Variants in SART3 observed in about 807,000 individuals in gnomAD.
The protein encoded by SART3 is spliceosome associated factor 3, U4/U6 recycling protein.
SART3 carries 44 observed loss-of-function variants against 122.3 expected under a neutral mutation model. The observed-to-expected ratio is 0.36, with a 90% CI of 0.28 to 0.46. SART3 has a LOEUF of 0.46. Ranked by LOEUF, SART3 falls within the 20% of genes least tolerant of loss-of-function variation. SART3 has a pLI of 1.00. For missense variants in SART3, 1,101 were observed against 1,229.0 expected, an observed-to-expected ratio of 0.90 and a Z score of 1.56; for synonymous variants, 442 against 454.0, an observed-to-expected ratio of 0.97 and a Z score of 0.34.
rs1184611789 is a variant in SART3 at position 108,530,248 on chromosome 12, T to C, written c.1809A>G (p.Arg603=). ...TTAACGCTTTCTTCTCAGCCCGAGCTCTTTTCCGTTGTTCAGCCTTTTCTT... is the reference window on the plus strand; with the variant it reads ...TTAACGCTTTCTTCTCAGCCCGAGCCCTTTTCCGTTGTTCAGCCTTTTCTT... ...QEEEKAEQRK[R]ARAEKKALKK... The change falls in exon 15 of 19, where the codon AGA becomes AGG. Residue 603 remains arginine (R), a synonymous_variant. Transcript: ENST00000546815. The C allele has an allele frequency of 6.2e-7, 1 of 1,614,084 alleles. No homozygotes were observed. Among genetic ancestry groups the C allele is most frequent in the Admixed American group, 1.7e-5 (1 of 60,002 alleles).
chr12:108,544,665 A>C (rs924609832), intron 4 of SART3, 187 bp from the exon 5 acceptor site: 1 of 763,946 alleles, frequency 1.3e-6, no homozygotes, highest in Non-Finnish European at 2.3e-6. Flanking sequence ...CTCCAGGCTC[A>C]TGCAATCCTC....
chr12:108,530,783 G>A (rs559580153), intron 14 of SART3, among the ~76,000 whole-genome samples: 48 of 152,076 alleles, frequency 3.2e-4, no homozygotes, highest in South Asian at 1.2e-3. Flanking sequence ...GCGTGAACCC[G>A]GGAGGCAGAG....
At chr12:108,524,246 T>TC (rs1196309866) in intron 18 of SART3, 70 bp downstream of exon 18, 19 of 1,276,326 alleles carry the variant, frequency 1.5e-5, no homozygotes, top group African/African-American at 1.3e-4. Context: ...CCCGGGTTAA[T>TC]CCCCCCGTGA....
chr12:108,525,364 A>G, intron 17 of SART3, 93 bp downstream of exon 17: 1 of 1,345,346 alleles, frequency 7.4e-7, no homozygotes, highest in Non-Finnish European at 1.1e-6. Context: ...CAAACTAGGA[A>G]CCCATTCTAG....
At chr12:108,538,261 C>T in intron 7 of SART3, 58 bp from the exon 8 acceptor site, 1 of 1,591,372 alleles carries the variant, frequency 6.3e-7, no homozygotes, top group South Asian at 1.1e-5. Flanking sequence ...TCACCATCAA[C>T]AAGACATTGC....
At chr12:108,528,267 G>C (rs1352087142) in intron 15 of SART3, among the ~76,000 whole-genome samples, 1 of 152,098 alleles carries the variant, frequency 6.6e-6, no homozygotes, top group African/African-American at 2.4e-5. Context: ...AGGATCACTT[G>C]AGGTCAGGAG....
intron 12 of SART3, among the ~76,000 whole-genome samples, chr12:108,534,578 G>T (rs541009654): frequency 2.0e-5 from 3 of 152,002 alleles, no homozygotes; most frequent in Admixed American, 6.6e-5. Context: ...TACTCAAGAG[G>T]CTGAGGCAGA....
At chr12:108,532,910 C>T (rs1281544927) in intron 12 of SART3, among the ~76,000 whole-genome samples, 1 of 152,156 alleles carries the variant, frequency 6.6e-6, no homozygotes, top group Non-Finnish European at 1.5e-5. Context: ...CCCACCACTA[C>T]ACCCAGCTAA....
At chr12:108,524,764 G>A (rs370749320) in intron 17 of SART3, 8 of 557,406 alleles carry the variant, frequency 1.4e-5, no homozygotes, top group African/African-American at 9.4e-5. Context: ...TGTACGTGCT[G>A]CAGAAGTAGA....
chr12:108,552,304 G>C (rs2030039223), intron 1 of SART3, among the ~76,000 whole-genome samples: 4 of 151,926 alleles, frequency 2.6e-5, no homozygotes, highest in African/African-American at 9.7e-5. Context: ...CTAAAATCAA[G>C]AACAAGGCAA....
At position 108,525,445 on chromosome 12, in the gene SART3, T is replaced by C; in HGVS notation, c.2523+12A>G. 1.2e-6 allele frequency: 2 copies of C among 1,614,064 alleles called. No homozygotes were observed. The highest frequency in any genetic ancestry group is 1.7e-6 in the Non-Finnish European group (2 of 1,179,988). ...GCCTTGAAGACAAGGCACAATCTGC[T>C]CTGACTCTGACCTTTGGTTTGCCAG... On this transcript the variant is annotated intron_variant, in intron 17 of 18. Transcript: ENST00000546815.
At chr12:108,523,875 C>A in intron 18 of SART3, 1 of 602,004 alleles carries the variant, frequency 1.7e-6, no homozygotes. Flanking sequence ...CAGAGGGGAT[C>A]AGTGTGACTA....
chr12:108,542,731 C>T, intron 6 of SART3: 1 of 451,634 alleles, frequency 2.2e-6, no homozygotes, highest in South Asian at 1.8e-5. Flanking sequence ...TAAAGAAAAG[C>T]AAGGGAATTA....
At chr12:108,544,395 G>A in intron 5 of SART3, 32 bp downstream of exon 5, 3 of 1,579,516 alleles carry the variant, frequency 1.9e-6, no homozygotes, top group Non-Finnish European at 2.6e-6. Context: ...AAACCATAGA[G>A]GGCTGGCTGT....
At chr12:108,549,330 A>G in intron 1 of SART3, 116 bp from the exon 2 acceptor site, 1 of 1,164,574 alleles carries the variant, frequency 8.6e-7, no homozygotes, top group Non-Finnish European at 1.3e-6. Flanking sequence ...GTGCTATCTG[A>G]GAAAACCACT....
chr12:108,526,697 C>T (rs1272725515), intron 15 of SART3, 144 bp from the exon 16 acceptor site: 6 of 883,440 alleles, frequency 6.8e-6, no homozygotes, highest in Admixed American at 2.0e-5. Flanking sequence ...AGCACCACCC[C>T]GAGAAGTCTT....
intron 5 of SART3, among the ~76,000 whole-genome samples, chr12:108,544,090 A>G (rs769562467): frequency 7.9e-5 from 12 of 152,216 alleles, no homozygotes; most frequent in African/African-American, 2.7e-4. Flanking sequence ...CTCTTGTTCA[A>G]TGAAGTTTCC....
chr12:108,559,537 G>A (rs945244365), intron 1 of SART3, among the ~76,000 whole-genome samples: 9 of 151,798 alleles, frequency 5.9e-5, no homozygotes, highest in Non-Finnish European at 7.4e-5. Context: ...GCAATGGTGC[G>A]TGCCTGGATC....
intron 1 of SART3, among the ~76,000 whole-genome samples, chr12:108,550,379 G>T (rs1592773415): frequency 6.6e-6 from 1 of 152,260 alleles, no homozygotes; most frequent in East Asian, 1.9e-4. Flanking sequence ...AACAAACATT[G>T]TAAGAACTTC....
Sources: allele counts gnomAD v4.1 joint callset (sites outside exome capture counted in the v4.1 genomes callset), GRCh38; gene constraint gnomAD v4.1.1; transcripts MANE v1.5; gene names NCBI Gene and HGNC (gene_info 2026-07-23, HGNC 2026-07-21).